The following GALNTL6 variants were observed in gnomAD, a reference collection of about 807,000 sequenced individuals.
The protein encoded by GALNTL6 is polypeptide N-acetylgalactosaminyltransferase like 6.
GALNTL6 carries 46 observed loss-of-function variants against 73.7 expected under a neutral mutation model. That is an observed-to-expected ratio of 0.62 (90% CI 0.49 to 0.80). The LOEUF (loss-of-function observed/expected upper bound fraction) is 0.80. Ranked by LOEUF, GALNTL6 falls within the 30% of genes least tolerant of loss-of-function variation. GALNTL6 has a pLI of 0.00. For synonymous variants in GALNTL6, 259 were observed against 263.7 expected (o/e 0.98, Z 0.17); for missense variants, 604 against 755.0 (o/e 0.80, Z 2.34).
intron 2 of GALNTL6, among the ~76,000 whole-genome samples, chr4:171,877,447 A>G (rs1289838958): frequency 6.6e-6 from 1 of 152,174 alleles, no homozygotes; most frequent in Non-Finnish European, 1.5e-5. Context: ...GAGGGTGTCA[A>G]GCATGAATCC....
chr4:172,630,044 G>C (rs1481603618), intron 5 of GALNTL6, among the ~76,000 whole-genome samples: 2 of 152,152 alleles, frequency 1.3e-5, no homozygotes, highest in Non-Finnish European at 1.5e-5. Flanking sequence ...AGATTATGAT[G>C]CTGGGAAATC....
chr4:172,585,897 C>T (rs1166897710), intron 5 of GALNTL6, among the ~76,000 whole-genome samples: 1 of 151,630 alleles, frequency 6.6e-6, no homozygotes. Context: ...GACCAACAAA[C>T]ATATGAAAAA....
At chr4:172,609,230 T>G (rs1362670037) in intron 5 of GALNTL6, among the ~76,000 whole-genome samples, 2 of 152,116 alleles carry the variant, frequency 1.3e-5, no homozygotes. Context: ...CCAGTTCTCA[T>G]AGGGAATATT....
chr4:172,196,868 T>C lies in GALNTL6; in HGVS notation c.139-32788T>C, dbSNP rs144863189. Among the ~76,000 whole-genome samples, 1,510 of 152,294 alleles carry C rather than the reference T, an allele frequency of 9.9e-3. 29 individuals carry two copies. The highest frequency in any genetic ancestry group is 0.035 in the African/African-American group (1,441 of 41,564). ...GAACAAAAGCTGGAAGCATTCCCTT[T>C]GAAAACTGGCAGATTTCAGAATGCC... On this transcript the variant is annotated intron_variant, in intron 2 of 12. Coordinates refer to ENST00000506823, the MANE Select transcript of GALNTL6 (RefSeq NM_001034845.3).
intron 3 of GALNTL6, among the ~76,000 whole-genome samples, chr4:172,242,844 G>A (rs757484578): frequency 3.3e-4 from 50 of 152,292 alleles, no homozygotes; most frequent in African/African-American, 1.1e-3. Context: ...TTGGCACTGC[G>A]GCCATTCTGA....
At chr4:172,530,279 C>G (rs1735125183) in intron 5 of GALNTL6, among the ~76,000 whole-genome samples, 1 of 151,778 alleles carries the variant, frequency 6.6e-6, no homozygotes, top group Non-Finnish European at 1.5e-5. Context: ...AACACTCAGC[C>G]CTTTTCAGAT....
intron 3 of GALNTL6, among the ~76,000 whole-genome samples, chr4:172,264,541 C>A (rs1738370423): frequency 8.8e-6 from 1 of 113,564 alleles, no homozygotes; most frequent in Non-Finnish European, 1.9e-5. Context: ...ATAAGGTTGG[C>A]ATAATATATG....
At chr4:171,964,998 G>T (rs1205029989) in intron 2 of GALNTL6, among the ~76,000 whole-genome samples, 1 of 152,194 alleles carries the variant, frequency 6.6e-6, no homozygotes, top group African/African-American at 2.4e-5. Flanking sequence ...TCACAGTCCT[G>T]CTTTTTCCTT....
At chr4:171,832,448 C>T (rs1481782570) in intron 2 of GALNTL6, among the ~76,000 whole-genome samples, 2 of 150,992 alleles carry the variant, frequency 1.3e-5, no homozygotes, top group African/African-American at 2.4e-5. Context: ...TATTTTTCTT[C>T]CAGCACTAGT....
intron 1 of GALNTL6, 45 bp from the exon 2 acceptor site, chr4:171,814,367 G>C (rs562354678): frequency 1.3e-5 from 8 of 595,878 alleles, no homozygotes; most frequent in African/African-American, 7.4e-5. Context: ...TAATGCCTTC[G>C]TCATAGTTTT....
At chr4:172,784,058 C>A (rs1206237434) in intron 5 of GALNTL6, among the ~76,000 whole-genome samples, 1 of 151,962 alleles carries the variant, frequency 6.6e-6, no homozygotes, top group Admixed American at 6.6e-5. Context: ...TTAGTATTTT[C>A]TTTTAAGCAA....
rs549072630 is a variant in GALNTL6 at position 172,087,308 on chromosome 4, G to A, written c.139-142348G>A. On this transcript the variant is annotated intron_variant, in intron 2 of 12. Coordinates refer to ENST00000506823, the MANE Select transcript of GALNTL6 (RefSeq NM_001034845.3). ...AAATATAAAAAAATTAGCCGGGCGT[G>A]GGGGTGGGCGCCTGTAGTCCCAGCT... Among the ~76,000 whole-genome samples, 7 of 151,968 alleles carry A rather than the reference G, an allele frequency of 4.6e-5. No individual in the cohort carries two copies. The South Asian group carries it at 6.2e-4, about 14-fold the overall frequency.
At chr4:172,495,674 C>T (rs897019079) in intron 5 of GALNTL6, among the ~76,000 whole-genome samples, 1 of 152,128 alleles carries the variant, frequency 6.6e-6, no homozygotes, top group African/African-American at 2.4e-5. Context: ...GCCTTTAGTA[C>T]TTTGCTTTTC....
At chr4:172,270,071 T>C (rs1016494428) in intron 3 of GALNTL6, among the ~76,000 whole-genome samples, 1 of 152,182 alleles carries the variant, frequency 6.6e-6, no homozygotes, top group Non-Finnish European at 1.5e-5. Context: ...TAAATACTTA[T>C]AAAAGTGAAT....
chr4:172,359,578 T>A (rs1235397085), intron 5 of GALNTL6, among the ~76,000 whole-genome samples: 1 of 152,298 alleles, frequency 6.6e-6, no homozygotes, highest in East Asian at 1.9e-4. Flanking sequence ...ACTTGGTTTG[T>A]TAAGTTTTAG....
At chr4:172,759,167 A>G (rs1234059833) in intron 5 of GALNTL6, among the ~76,000 whole-genome samples, 1 of 152,202 alleles carries the variant, frequency 6.6e-6, no homozygotes, top group Non-Finnish European at 1.5e-5. Flanking sequence ...AGTGTCCCTG[A>G]ACTCACCCAC....
chr4:172,035,201 C>T (rs1372063579), intron 2 of GALNTL6, among the ~76,000 whole-genome samples: 1 of 151,714 alleles, frequency 6.6e-6, no homozygotes, highest in African/African-American at 2.4e-5. Context: ...TAAAATGACT[C>T]AAAAATTTAA....
chr4:172,813,531 A>G lies in GALNTL6; in HGVS notation c.740-9A>G. The G allele has an allele frequency of 1.3e-6, 2 of 1,585,498 alleles. No individual in the cohort carries two copies. The highest frequency in any genetic ancestry group is 1.1e-5 in the South Asian group (1 of 88,606). On this transcript the variant is annotated splice_polypyrimidine_tract_variant and intron_variant, in intron 6 of 12. Coordinates refer to ENST00000506823, the MANE Select transcript of GALNTL6 (RefSeq NM_001034845.3). Reference sequence around the variant, plus strand: ...ATGTCATTTCCTATTTTGTGCTTTCATTTTTCAGACCAAATTGCACTAAAC... The same window carrying G: ...ATGTCATTTCCTATTTTGTGCTTTCGTTTTTCAGACCAAATTGCACTAAAC...
intron 3 of GALNTL6, among the ~76,000 whole-genome samples, chr4:172,299,709 T>G (rs1739835899): frequency 6.6e-6 from 1 of 152,238 alleles, no homozygotes; most frequent in African/African-American, 2.4e-5. Flanking sequence ...GAGTTCTAGT[T>G]TGATTGCACT....
Sources: gnomAD v4.1 joint callset for allele counts (sites outside exome capture counted in the v4.1 genomes callset) on GRCh38, gnomAD v4.1.1 for gene constraint, MANE v1.5 for transcripts, NCBI Gene and HGNC (gene_info 2026-07-23, HGNC 2026-07-21) for gene names.